Variants in TLDC2 observed in about 807,000 individuals in gnomAD.
TLDC2 encodes TLD domain-containing protein 2.
Under a neutral mutation model 27.9 loss-of-function variants are expected in TLDC2, and 23 were observed. The observed-to-expected ratio is 0.82, with a 90% CI of 0.59 to 1.17. The LOEUF (loss-of-function observed/expected upper bound fraction) is 1.17, where lower values mean the gene tolerates loss of function less well. Among genes scored for constraint, TLDC2 ranks in the 50% most tolerant of loss-of-function variants. The pLI is 0.00. For synonymous variants in TLDC2, 124 were observed against 107.4 expected, an observed-to-expected ratio of 1.16 and a Z score of -0.96; for missense variants, 286 against 273.4, an observed-to-expected ratio of 1.05 and a Z score of -0.32.
At chr20:36,885,073 C>T (rs1241536373) in intron 4 of TLDC2, among the ~76,000 whole-genome samples, 1 of 152,000 alleles carries the variant, frequency 6.6e-6, no homozygotes, top group African/African-American at 2.4e-5. Flanking sequence ...GACAGGGTTT[C>T]ACCACGTTGG....
In TLDC2 at chr20:36,883,490, G is replaced by A. The variant is rs529473023; in HGVS notation, c.438+2740G>A. Among the ~76,000 whole-genome samples, 4 of 152,090 alleles carry A rather than the reference G, an allele frequency of 2.6e-5. No individual in the cohort carries two copies. In the South Asian group the frequency reaches 6.2e-4, roughly 24 times the overall value. ...CCCAAACGGAGCTCCTGGCTTTCCCGCACAAAGCCTCCTCCTCCTGCTATC... is the reference window on the plus strand; with the variant it reads ...CCCAAACGGAGCTCCTGGCTTTCCCACACAAAGCCTCCTCCTCCTGCTATC... On this transcript the variant is annotated intron_variant, in intron 4 of 6. Coordinates refer to ENST00000217320, the MANE Select transcript of TLDC2 (RefSeq NM_080628.3).
intron 1 of TLDC2, 79 bp from the exon 2 acceptor site, chr20:36,877,820 G>A: frequency 6.7e-7 from 1 of 1,492,602 alleles, no homozygotes; most frequent in South Asian, 1.3e-5. Flanking sequence ...GTGGCCCGAG[G>A]AGGCTCTTGG....
At chr20:36,880,589 A>G in intron 3 of TLDC2, 66 bp from the exon 4 acceptor site, 1 of 1,392,620 alleles carries the variant, frequency 7.2e-7, no homozygotes, top group East Asian at 2.3e-5. Context: ...CTAAACCTGA[A>G]GAATGAGGGT....
rs1299648190 is a variant in TLDC2 at position 36,889,315 on chromosome 20, T to G, written c.577T>G (p.Phe193Val). 6.2e-7 allele frequency: 1 copy of G among 1,614,186 alleles called. No individual in the cohort carries two copies. The highest frequency in any genetic ancestry group is 2.2e-5 in the East Asian group (1 of 44,880). Reference protein sequence around the residue: ...FRGGSSPCPTFNNEVLARQEQ... With the variant: ...FRGGSSPCPTVNNEVLARQEQ... ...CGGGGGAAGCTCCCCTTGCCCGACC[T>G]TCAACAACGAGGTGCTGGCCCGGCA... The change falls in exon 6 of 7, where the codon TTC becomes GTC. Residue 193 changes from phenylalanine to valine, a missense_variant. Phe to Val is a conservative substitution (Grantham distance 50, BLOSUM62 -1). Coordinates refer to ENST00000217320, the MANE Select transcript of TLDC2 (RefSeq NM_080628.3).
intron 1 of TLDC2, among the ~76,000 whole-genome samples, chr20:36,876,706 C>T (rs11907123): frequency 5.3e-4 from 81 of 151,906 alleles, no homozygotes; most frequent in African/African-American, 1.9e-3. Context: ...TGCACTCATA[C>T]ACACTCAAAT....
At chr20:36,885,284 T>C (rs949909438) in intron 4 of TLDC2, among the ~76,000 whole-genome samples, 1 of 152,126 alleles carries the variant, frequency 6.6e-6, no homozygotes, top group Non-Finnish European at 1.5e-5. Flanking sequence ...TGCCTGAAAA[T>C]AGTGCCTGGT....
At chr20:36,879,009 A>T in intron 2 of TLDC2, 32 bp from the exon 3 acceptor site, 1 of 1,613,384 alleles carries the variant, frequency 6.2e-7, no homozygotes, top group Non-Finnish European at 8.5e-7. Flanking sequence ...CGCGAGGAGA[A>T]CTCCTCCATT....
chr20:36,893,001 G>T lies in TLDC2; in HGVS notation c.*157G>T, dbSNP rs139841806. ...CTTCTCGGAGGCGAGTTGGATTTTGGACTGAAGTACTGTCGTTCCATTCCT... is the reference window on the plus strand; with the variant it reads ...CTTCTCGGAGGCGAGTTGGATTTTGTACTGAAGTACTGTCGTTCCATTCCT... On this transcript the variant is annotated 3_prime_UTR_variant, in exon 7 of 7. Transcript: ENST00000217320. The T allele has an allele frequency of 7.4e-6, 12 of 1,613,930 alleles. No individual in the cohort carries two copies. The African/African-American group carries it at 1.6e-4, about 22-fold the overall frequency.
intron 5 of TLDC2, among the ~76,000 whole-genome samples, chr20:36,888,134 G>A (rs564656911): frequency 2.0e-5 from 3 of 152,302 alleles, no homozygotes; most frequent in Admixed American, 6.5e-5. Flanking sequence ...GGTTTCAGCC[G>A]AGGTTTTCTG....
At chr20:36,878,958 T>G (rs747048711) in intron 2 of TLDC2, 83 bp from the exon 3 acceptor site, 23 of 1,603,572 alleles carry the variant, frequency 1.4e-5, no homozygotes, top group East Asian at 6.7e-5. Flanking sequence ...GCTGGATGCA[T>G]GCTAGCTGTC....
Position 36,889,340 on chromosome 20 carries a change from A to T in TLDC2, c.602A>T (p.Gln201Leu), listed in dbSNP as rs1266317681. The T allele has an allele frequency of 2.5e-6, 4 of 1,614,190 alleles. No homozygotes were observed. The highest frequency in any genetic ancestry group is 1.7e-5 in the Admixed American group (1 of 60,020). ...PTFNNEVLAR[Q>L]EQFCIQELEA... ...TTCAACAACGAGGTGCTGGCCCGGCAGGAGCAGTTCTGCATCCAGGAGCTG... is the reference window on the plus strand; with the variant it reads ...TTCAACAACGAGGTGCTGGCCCGGCTGGAGCAGTTCTGCATCCAGGAGCTG... Residue 201 changes from glutamine (Q) to leucine (L), a missense_variant, in exon 6 of 7, where the codon CAG becomes CTG. By Grantham distance (113) the Gln-to-Leu change is moderately radical (BLOSUM62 -2). Transcript: ENST00000217320.
chr20:36,881,650 C>T (rs755179229), intron 4 of TLDC2, among the ~76,000 whole-genome samples: 4 of 152,030 alleles, frequency 2.6e-5, no homozygotes, highest in Non-Finnish European at 4.4e-5. Context: ...TGGCTTAACA[C>T]CGGCAGAGAG....
At chr20:36,887,598 T>C in intron 5 of TLDC2, 70 bp downstream of exon 5, 1 of 1,436,744 alleles carries the variant, frequency 7.0e-7, no homozygotes, top group Non-Finnish European at 9.8e-7. Flanking sequence ...GCCGAACTGC[T>C]GGGCTAGGCT....
At position 36,889,235 on chromosome 20, in the gene TLDC2, G is replaced by C. The variant is rs1043632837; in HGVS notation, c.513-16G>C. 6.2e-7 allele frequency: 1 copy of C among 1,613,816 alleles called. No individual in the cohort carries two copies. The highest frequency in any genetic ancestry group is 1.7e-5 in the Admixed American group (1 of 59,988). ...CACAGGAGTGAGCCGCACCAAGACTGTCCTCTTCTCTCTAGTGGCCGGTTT... is the reference window on the plus strand; with the variant it reads ...CACAGGAGTGAGCCGCACCAAGACTCTCCTCTTCTCTCTAGTGGCCGGTTT... On this transcript the variant is annotated splice_polypyrimidine_tract_variant and intron_variant, in intron 5 of 6. Coordinates refer to ENST00000217320, the MANE Select transcript of TLDC2 (RefSeq NM_080628.3).
chr20:36,877,763 C>T (rs1989705932), intron 1 of TLDC2, 136 bp from the exon 2 acceptor site: 4 of 1,036,046 alleles, frequency 3.9e-6, no homozygotes, highest in Non-Finnish European at 1.4e-6. Context: ...CCCCAACTAC[C>T]CTGGGCTGGG....
intron 4 of TLDC2, among the ~76,000 whole-genome samples, chr20:36,886,582 ACT>A (rs937291017): frequency 6.6e-6 from 1 of 152,006 alleles, no homozygotes; most frequent in Non-Finnish European, 1.5e-5. Flanking sequence ...AAAGAGCGAG[ACT>A]CTGTCTCAAA....
chr20:36,889,394 G>T lies in TLDC2; in HGVS notation c.*8G>T. ...GCTTGGCTTCTCAGCTGACAGCCCT[G>T]CGGCAACAGGTACTCAGCCCTGCTC... On this transcript the variant is annotated 3_prime_UTR_variant, in exon 6 of 7. Transcript: ENST00000217320. The T allele has an allele frequency of 6.2e-7, 1 of 1,613,114 alleles. No homozygotes were observed. Among genetic ancestry groups the T allele is most frequent in the Non-Finnish European group, 8.5e-7 (1 of 1,179,870 alleles).
chr20:36,892,613 C>G, intron 6 of TLDC2: 1 of 358,654 alleles, frequency 2.8e-6, no homozygotes, highest in Non-Finnish European at 5.3e-6. Context: ...GGCAACAGAG[C>G]AAAACCTTGT....
chr20:36,878,974 C>T, intron 2 of TLDC2, 67 bp from the exon 3 acceptor site: 3 of 1,612,416 alleles, frequency 1.9e-6, no homozygotes, highest in Non-Finnish European at 2.5e-6. Flanking sequence ...CTGTCCAAGC[C>T]CACCCCCAGG....
Sources: allele counts gnomAD v4.1 joint callset (sites outside exome capture counted in the v4.1 genomes callset), GRCh38; gene constraint gnomAD v4.1.1; transcripts MANE v1.5; gene names NCBI Gene and HGNC (gene_info 2026-07-23, HGNC 2026-07-21).